Variants in ADGRL3 observed in about 807,000 individuals in gnomAD.
The protein encoded by ADGRL3 is calcium-independent alpha-latrotoxin receptor 3.
Under a neutral mutation model 153.5 loss-of-function variants are expected in ADGRL3, and 62 were observed. The ratio of observed to expected loss-of-function variants is 0.40; its 90% CI spans 0.33 to 0.50. The LOEUF (loss-of-function observed/expected upper bound fraction) is 0.50. ADGRL3 is among the 20% of genes least tolerant of loss of function. ADGRL3 has a pLI of 0.47. For missense variants in ADGRL3, 1,641 were observed against 1,859.4 expected, an observed-to-expected ratio of 0.88 and a Z score of 2.16; for synonymous variants, 710 against 672.5, an observed-to-expected ratio of 1.06 and a Z score of -0.86.
At chr4:61,919,768 T>A (rs1183395975) in intron 13 of ADGRL3, among the ~76,000 whole-genome samples, 2 of 152,108 alleles carry the variant, frequency 1.3e-5, no homozygotes, top group Non-Finnish European at 2.9e-5. Flanking sequence ...GGAAAGAACA[T>A]CATTCTGGGA....
In ADGRL3 at chr4:61,293,199, G is replaced by T. The variant is rs184484364; in HGVS notation, c.-239-89925G>T. On this transcript the variant is annotated intron_variant, in intron 1 of 26. Coordinates refer to ENST00000683033, the MANE Select transcript of ADGRL3 (RefSeq NM_001387552.1). ...AGTTCTGAGTGTATTGAGAGGAAAA[G>T]AGCTGGGAAACAGACTCACCAGAAG... is the stretch of plus-strand genomic sequence containing the variant. Among the ~76,000 whole-genome samples the T allele has an allele frequency of 4.3e-3, 656 of 152,240 alleles. 4 individuals are homozygous for T. The highest frequency in any genetic ancestry group is 0.015 in the African/African-American group (619 of 41,546).
intron 17 of ADGRL3, among the ~76,000 whole-genome samples, chr4:61,950,319 C>T (rs2098942244): frequency 1.3e-5 from 2 of 151,846 alleles, no homozygotes; most frequent in Non-Finnish European, 2.9e-5. Context: ...GAACAGTGTA[C>T]TGTGGGAAAA....
At chr4:61,274,598 T>C (rs1473795489) in intron 1 of ADGRL3, among the ~76,000 whole-genome samples, 2 of 152,160 alleles carry the variant, frequency 1.3e-5, no homozygotes, top group Non-Finnish European at 2.9e-5. Flanking sequence ...AAATGTAAGT[T>C]CTGTGTTTGT....
chr4:61,291,663 AGT>A (rs2094220010), intron 1 of ADGRL3, among the ~76,000 whole-genome samples: 1 of 117,428 alleles, frequency 8.5e-6, no homozygotes, highest in African/African-American at 2.9e-5. Flanking sequence ...AGAGAGAAAG[AGT>A]GAGAGAGAGA....
chr4:61,833,973 T>C (rs950200103), intron 9 of ADGRL3, among the ~76,000 whole-genome samples: 10 of 151,638 alleles, frequency 6.6e-5, no homozygotes, highest in African/African-American at 2.2e-4. Context: ...TTTTTTTTTT[T>C]TTTTATTGTA....
chr4:61,317,551 G>A (rs1560466437), intron 1 of ADGRL3, among the ~76,000 whole-genome samples: 1 of 152,118 alleles, frequency 6.6e-6, no homozygotes, highest in Non-Finnish European at 1.5e-5. Context: ...TCTCCTTCTT[G>A]TGTAAGGCCT....
intron 2 of ADGRL3, among the ~76,000 whole-genome samples, chr4:61,413,369 G>A (rs999559117): frequency 1.3e-5 from 2 of 152,028 alleles, no homozygotes; most frequent in African/African-American, 2.4e-5. Context: ...GGGGAAACGG[G>A]TGCTCTTTAC....
In ADGRL3 at chr4:62,070,464, T is replaced by C. The variant is rs1159479552; in HGVS notation, c.4188T>C (p.His1396=). The change falls in exon 27 of 27, where the codon CAT becomes CAC. Residue 1396 remains histidine (H), a synonymous_variant. Coordinates refer to ENST00000683033, the MANE Select transcript of ADGRL3 (RefSeq NM_001387552.1). ...HEESLGLELI[H]EESDAPLLPP... ...AGAGTTTGGGCCTGGAACTCATTCATGAGGAATCTGATGCTCCTTTGCTGC... is the reference window on the plus strand; with the variant it reads ...AGAGTTTGGGCCTGGAACTCATTCACGAGGAATCTGATGCTCCTTTGCTGC... 57 of 1,551,152 alleles carry C rather than the reference T, an allele frequency of 3.7e-5. No individual in the cohort carries two copies. Among genetic ancestry groups the C allele is most frequent in the Non-Finnish European group, 4.9e-5 (56 of 1,146,912 alleles).
rs142463435 is a variant in ADGRL3, at chr4:61,702,036, T to C, written c.583+25101T>C. On this transcript the variant is annotated intron_variant, in intron 6 of 26. Transcript: ENST00000683033. ...AGGACATAAGTGTAAGATCACTAGT[T>C]CAGTGACTGTGTGTTAGAATTACTG... Among the ~76,000 whole-genome samples, 271 of 152,282 alleles carry C rather than the reference T, an allele frequency of 1.8e-3. 5 individuals carry two copies. Among genetic ancestry groups the C allele is most frequent in the African/African-American group, 6.2e-3 (257 of 41,560 alleles).
At chr4:61,976,104 A>C (rs2099047065) in intron 17 of ADGRL3, among the ~76,000 whole-genome samples, 1 of 152,178 alleles carries the variant, frequency 6.6e-6, no homozygotes, top group Non-Finnish European at 1.5e-5. Context: ...TGTCAAACAC[A>C]GTACTAGGTG....
chr4:62,039,371 A>T (rs1401526001), intron 24 of ADGRL3, among the ~76,000 whole-genome samples: 1 of 152,192 alleles, frequency 6.6e-6, no homozygotes, highest in Non-Finnish European at 1.5e-5. Flanking sequence ...TTGAGTTTTA[A>T]TCTTACAAAT....
intron 25 of ADGRL3, among the ~76,000 whole-genome samples, chr4:62,046,917 T>C (rs1042601032): frequency 1.3e-5 from 2 of 151,968 alleles, no homozygotes; most frequent in Non-Finnish European, 2.9e-5. Context: ...CCTTCTTTAA[T>C]CTTGTCTTAT....
chr4:61,852,551 G>A (rs949937338), intron 9 of ADGRL3, among the ~76,000 whole-genome samples: 1 of 152,070 alleles, frequency 6.6e-6, no homozygotes, highest in African/African-American at 2.4e-5. Context: ...CTGACCTCAA[G>A]CGATCCGCCC....
intron 4 of ADGRL3, among the ~76,000 whole-genome samples, chr4:61,550,527 C>T (rs937603033): frequency 1.3e-5 from 2 of 151,890 alleles, no homozygotes; most frequent in Non-Finnish European, 2.9e-5. Context: ...TATGGCAAAA[C>T]ATATTATTTC....
chr4:61,428,894 C>CT (rs1385339501), intron 2 of ADGRL3, among the ~76,000 whole-genome samples: 2,191 of 97,984 alleles, frequency 0.022, 16 homozygotes, highest in Middle Eastern at 0.057. Flanking sequence ...CTATCTATAT[C>CT]ATCTATCTAT....
intron 6 of ADGRL3, among the ~76,000 whole-genome samples, chr4:61,694,118 G>A (rs973948434): frequency 2.0e-5 from 3 of 149,530 alleles, no homozygotes; most frequent in Non-Finnish European, 4.4e-5. Flanking sequence ...TGCAACTCAG[G>A]CACCCATTAT....
At chr4:61,667,964 T>G (rs1415180753) in intron 5 of ADGRL3, among the ~76,000 whole-genome samples, 1 of 152,208 alleles carries the variant, frequency 6.6e-6, no homozygotes, top group Non-Finnish European at 1.5e-5. Flanking sequence ...TCAATATGTC[T>G]TTTTACTTAA....
chr4:61,502,030 G>GTTCT (rs1176068481), intron 3 of ADGRL3, among the ~76,000 whole-genome samples: 1 of 152,178 alleles, frequency 6.6e-6, no homozygotes, highest in African/African-American at 2.4e-5. Context: ...CAGATGGCCA[G>GTTCT]TTCTTTGCTC....
At chr4:61,714,165 CAAAAA>C (rs149805173) in intron 6 of ADGRL3, among the ~76,000 whole-genome samples, 4,079 of 149,466 alleles carry the variant, frequency 0.027, 201 homozygotes, top group African/African-American at 0.095. Context: ...AGTAAACAAA[CAAAAA>C]AAAAGTTCTT....
Sources: allele counts gnomAD v4.1 joint callset (sites outside exome capture counted in the v4.1 genomes callset), GRCh38; gene constraint gnomAD v4.1.1; transcripts MANE v1.5; gene names NCBI Gene and HGNC (gene_info 2026-07-23, HGNC 2026-07-21).